The following RCSD1 variants were observed in gnomAD, a reference collection of about 807,000 sequenced individuals.
The protein encoded by RCSD1 is capZ-interacting protein.
In RCSD1, 26 loss-of-function variants were observed where a neutral mutation model predicts 42.5. That is an observed-to-expected ratio of 0.61 (90% confidence interval 0.45 to 0.85). The LOEUF (loss-of-function observed/expected upper bound fraction) is 0.85, where lower values mean the gene tolerates loss of function less well. Ranked by LOEUF, RCSD1 falls within the 40% of genes least tolerant of loss-of-function variation. The probability of loss-of-function intolerance (pLI) is 0.00; values close to 1 mark genes in which losing one functional copy is unlikely to be tolerated. For missense variants in RCSD1, 571 were observed against 528.3 expected (o/e 1.08, Z -0.79); for synonymous variants, 220 against 212.2 (o/e 1.04, Z -0.32).
At chr1:167,684,349 A>C (rs542408721) in intron 2 of RCSD1, among the ~76,000 whole-genome samples, 9 of 152,350 alleles carry the variant, frequency 5.9e-5, no homozygotes, top group South Asian at 4.1e-4. Context: ...AAGTTCCTAC[A>C]GCCAGCTCCT....
chr1:167,642,019 G>A (rs1658017528), intron 1 of RCSD1: 1 of 152,190 alleles, frequency 6.6e-6, no homozygotes, highest in African/African-American at 2.4e-5. Context: ...TAAGCTGTGG[G>A]AGCAGCTACC....
intron 1 of RCSD1, among the ~76,000 whole-genome samples, chr1:167,657,476 GGCT>G (rs1658449228): frequency 6.6e-6 from 1 of 152,124 alleles, no homozygotes; most frequent in East Asian, 1.9e-4. Context: ...ATATGTTTAG[GGCT>G]GGCTGCAAAT....
rs1658248097 is a variant in RCSD1 at position 167,649,428 on chromosome 1, G to C, written c.6+18999G>C. 1.3e-5 allele frequency among the ~76,000 whole-genome samples: 2 copies of C among 152,182 alleles called. 1 individual carries two copies. Among genetic ancestry groups the C allele is most frequent in the Admixed American group, 1.3e-4 (2 of 15,276 alleles). The stretch of plus-strand genomic sequence containing the variant: ...TATTTGTATAACAAGCATACTTTTC[G>C]CCTAAAACGGAATATGTATTTGGTG... On this transcript the variant is annotated intron_variant, in intron 1 of 6. Transcript: ENST00000367854.
intron 1 of RCSD1, among the ~76,000 whole-genome samples, chr1:167,658,222 C>A (rs1368327781): frequency 6.6e-6 from 1 of 152,162 alleles, no homozygotes; most frequent in African/African-American, 2.4e-5. Context: ...TCACATATAC[C>A]TTTCTGTAGG....
Position 167,630,251 on chromosome 1 carries a change from C to T in RCSD1, c.-173C>T. 1 of 492,596 alleles carries T rather than the reference C, an allele frequency of 2.0e-6. No homozygotes were observed. The highest frequency in any genetic ancestry group is 3.1e-6 in the Non-Finnish European group (1 of 321,206). The allele number at this position is 492,596 out of a possible 1,614,324, so 30.5% of individuals were successfully genotyped here. ...CTCGTTCTCTCGCGCAGGGCCCCCGCGGCCGGGGCAGTCCCGCAGCCGAGC... is the reference window on the plus strand; with the variant it reads ...CTCGTTCTCTCGCGCAGGGCCCCCGTGGCCGGGGCAGTCCCGCAGCCGAGC... On this transcript the variant is annotated 5_prime_UTR_variant, in exon 1 of 7. Transcript: ENST00000367854.
intron 1 of RCSD1, among the ~76,000 whole-genome samples, chr1:167,660,553 T>G (rs1658519129): frequency 1.3e-5 from 2 of 152,126 alleles, no homozygotes; most frequent in African/African-American, 4.8e-5. Flanking sequence ...CCTTGAAGTC[T>G]TGGGCTCAAG....
At chr1:167,633,143 T>C (rs1657746861) in intron 1 of RCSD1, among the ~76,000 whole-genome samples, 1 of 152,250 alleles carries the variant, frequency 6.6e-6, no homozygotes, top group African/African-American at 2.4e-5. Context: ...TTAAAGTCAC[T>C]GTTACCATTA....
intron 4 of RCSD1, among the ~76,000 whole-genome samples, chr1:167,693,379 T>C (rs1316843822): frequency 1.3e-5 from 2 of 152,238 alleles, no homozygotes; most frequent in African/African-American, 2.4e-5. Context: ...CCTGAGGCTT[T>C]CGTTACCTTT....
chr1:167,685,495 C>T lies in RCSD1; in HGVS notation c.183C>T (p.Gly61=). Residue 61 remains glycine, a synonymous_variant, in exon 3 of 7, where the codon GGC becomes GGT. Coordinates refer to ENST00000367854, the MANE Select transcript of RCSD1 (RefSeq NM_052862.4). The part of the protein sequence containing the change: ...LPLFPPKVDL[G]QNGEEKSPPN... ...TGTTCCCCCCCAAGGTAGACCTGGG[C>T]CAGAATGGTGAGGAGGTAAGTGCTG... 6.2e-7 allele frequency: 1 copy of T among 1,613,700 alleles called. No homozygotes were observed. Among genetic ancestry groups the T allele is most frequent in the Non-Finnish European group, 8.5e-7 (1 of 1,179,720 alleles).
At chr1:167,645,149 C>T (rs1281872735) in intron 1 of RCSD1, among the ~76,000 whole-genome samples, 2 of 152,146 alleles carry the variant, frequency 1.3e-5, no homozygotes, top group African/African-American at 2.4e-5. Flanking sequence ...TAATATGCTA[C>T]GTGACATATT....
At chr1:167,658,457 G>A (rs539578376) in intron 1 of RCSD1, among the ~76,000 whole-genome samples, 2 of 151,936 alleles carry the variant, frequency 1.3e-5, no homozygotes, top group East Asian at 1.9e-4. Flanking sequence ...ATGAAGTCTC[G>A]CTCTGTTGCC....
At chr1:167,654,374 G>T (rs948050287) in intron 1 of RCSD1, among the ~76,000 whole-genome samples, 3 of 152,124 alleles carry the variant, frequency 2.0e-5, no homozygotes, top group Non-Finnish European at 4.4e-5. Flanking sequence ...TGCTTCAGAG[G>T]GAATGGGTAG....
At chr1:167,673,887 C>A (rs1198005537) in intron 1 of RCSD1, among the ~76,000 whole-genome samples, 1 of 152,204 alleles carries the variant, frequency 6.6e-6, no homozygotes, top group South Asian at 2.1e-4. Context: ...CAAGACTCTG[C>A]GTAAACATCA....
intron 5 of RCSD1, among the ~76,000 whole-genome samples, chr1:167,695,370 T>G (rs901433041): frequency 6.6e-6 from 1 of 152,200 alleles, no homozygotes; most frequent in Non-Finnish European, 1.5e-5. Context: ...GGCTGGGGCC[T>G]TGATACCTTC....
intron 4 of RCSD1, among the ~76,000 whole-genome samples, chr1:167,692,519 T>TA (rs1190127045): frequency 3.0e-4 from 46 of 151,386 alleles, no homozygotes; most frequent in African/African-American, 1.1e-3. Context: ...CCGCTTTTTT[T>TA]TTTATTTTTA....
At chr1:167,639,617 C>A (rs1486627616) in intron 1 of RCSD1, among the ~76,000 whole-genome samples, 1 of 152,178 alleles carries the variant, frequency 6.6e-6, no homozygotes, top group East Asian at 1.9e-4. Flanking sequence ...CTCAGCCTCC[C>A]AAGTAGCTGG....
chr1:167,646,365 C>T (rs889118083), intron 1 of RCSD1, among the ~76,000 whole-genome samples: 1 of 150,516 alleles, frequency 6.6e-6, no homozygotes, highest in African/African-American at 2.4e-5. Flanking sequence ...GGACAGCCCT[C>T]ACATTTGAGG....
chr1:167,653,928 T>A (rs914864147), intron 1 of RCSD1, among the ~76,000 whole-genome samples: 1 of 152,092 alleles, frequency 6.6e-6, no homozygotes, highest in South Asian at 2.1e-4. Context: ...AAGTCCCTGG[T>A]GGGAAGAGCA....
At chr1:167,676,423 A>G (rs994695708) in intron 1 of RCSD1, among the ~76,000 whole-genome samples, 5 of 152,252 alleles carry the variant, frequency 3.3e-5, no homozygotes, top group African/African-American at 1.2e-4. Context: ...TCATTTACAA[A>G]CAAGGAAACT....
Sources: allele counts gnomAD v4.1 joint callset (sites outside exome capture counted in the v4.1 genomes callset), GRCh38; gene constraint gnomAD v4.1.1; transcripts MANE v1.5; gene names NCBI Gene and HGNC (gene_info 2026-07-23, HGNC 2026-07-21).